GRM1: variants seen among roughly 807,000 people sequenced by gnomAD.
GRM1 encodes glutamate metabotropic receptor 1.
A neutral mutation model predicts 90.9 loss-of-function variants in GRM1; 33 were observed. That is an observed-to-expected ratio of 0.36 (90% CI 0.28 to 0.49). The LOEUF is 0.49. GRM1 is among the 20% of genes least tolerant of loss of function. The probability of loss-of-function intolerance (pLI) is 0.99; values close to 1 mark genes in which losing one functional copy is unlikely to be tolerated. For missense variants in GRM1, 1,190 were observed against 1,534.3 expected, an observed-to-expected ratio of 0.78 and a Z score of 3.75; for synonymous variants, 700 against 613.2, an observed-to-expected ratio of 1.14 and a Z score of -2.09.
intron 1 of GRM1, among the ~76,000 whole-genome samples, chr6:146,081,250 G>T (rs9403767): frequency 0.36 from 54,288 of 152,098 alleles, 10,539 homozygotes; most frequent in Middle Eastern, 0.51. Context: ...AGGGTATACA[G>T]AACTTTGTAT....
chr6:146,377,969 G>A (rs909060072), intron 5 of GRM1, among the ~76,000 whole-genome samples: 1 of 152,176 alleles, frequency 6.6e-6, no homozygotes, highest in Non-Finnish European at 1.5e-5. Context: ...TCCCAGCTGT[G>A]GCTAAAATGG....
At chr6:146,363,828 C>G (rs548082334) in intron 5 of GRM1, among the ~76,000 whole-genome samples, 1 of 152,164 alleles carries the variant, frequency 6.6e-6, no homozygotes, top group Non-Finnish European at 1.5e-5. Context: ...TTGCAGTGAT[C>G]GAAACATTGC....
chr6:146,233,691 AT>A (rs1017245870), intron 2 of GRM1, among the ~76,000 whole-genome samples: 2 of 151,910 alleles, frequency 1.3e-5, no homozygotes, highest in Non-Finnish European at 2.9e-5. Context: ...ATTTTTAAAA[AT>A]GTGTTAGGAT....
chr6:146,331,598 T>A (rs1016285476), intron 3 of GRM1, among the ~76,000 whole-genome samples: 12 of 152,148 alleles, frequency 7.9e-5, no homozygotes, highest in African/African-American at 2.9e-4. Context: ...AGACTCCTGT[T>A]AGGAAACAAA....
rs1157259701 is a variant in GRM1 at position 146,357,647 on chromosome 6, G to T, written c.1555G>T (p.Val519Leu). The change falls in exon 5 of 8, where the codon GTG becomes TTG. Residue 519 changes from valine (V) to leucine (L), a missense_variant. This residue lies in a region of GRM1 where 414 missense variants were observed against 598.4 expected (regional missense o/e 0.69). Transcript: ENST00000282753. Reference sequence around the variant, plus strand: ...CAAAATCCAGATGAACAAGAGTGGAGTGGTGCGGTCTGTGTGCAGTGAGCC... The same window carrying T: ...CAAAATCCAGATGAACAAGAGTGGATTGGTGCGGTCTGTGTGCAGTGAGCC... ...DYKIQMNKSG[V>L]VRSVCSEPCL... is the part of the protein sequence containing the mutation. 3.7e-6 allele frequency: 6 copies of T among 1,614,094 alleles called. No homozygotes were observed. The Admixed American group carries it at 1.0e-4, about 27-fold the overall frequency.
At chr6:146,251,595 C>T (rs893922576) in intron 2 of GRM1, among the ~76,000 whole-genome samples, 7 of 152,230 alleles carry the variant, frequency 4.6e-5, no homozygotes, top group African/African-American at 1.7e-4. Context: ...CTGTGTTTCA[C>T]AGTTGTTCAG....
rs1778265709 is a variant in GRM1, at chr6:146,174,621, A to C, written c.950+15024A>C. 2.6e-5 allele frequency among the ~76,000 whole-genome samples: 4 copies of C among 152,186 alleles called. No individual in the cohort carries two copies. In the South Asian group the frequency reaches 8.3e-4, roughly 32 times the overall value. ...ATATTGTTATACAATCACTTAATTA[A>C]GCTTATAATTTCCGAAAGATAAACA... On this transcript the variant is annotated intron_variant, in intron 2 of 7. Transcript: ENST00000282753.
rs1256950205 is a variant in GRM1 at position 146,436,451 on chromosome 6, T to G, written c.*1655T>G. 1 of 152,182 alleles carries G rather than the reference T, an allele frequency of 6.6e-6. No homozygotes were observed. Among genetic ancestry groups the G allele is most frequent in the Non-Finnish European group, 1.5e-5 (1 of 68,028 alleles). The allele number at this position is 152,182 out of a possible 1,614,324, so 9.4% of individuals were successfully genotyped here. A position where few individuals can be genotyped will look rare whatever the true frequency, so the allele number is the denominator to read the frequency against. ...ATTTAGATTATTCCAGGTTATATCA[T>G]TTTTTTAAAGATTTTCCACAGCTAC... On this transcript the variant is annotated 3_prime_UTR_variant, in exon 8 of 8. Coordinates refer to ENST00000282753, the MANE Select transcript of GRM1 (RefSeq NM_001278064.2).
chr6:146,038,052 G>A (rs7739418), intron 1 of GRM1, among the ~76,000 whole-genome samples: 69,654 of 151,758 alleles, frequency 0.46, 16,394 homozygotes, highest in African/African-American at 0.54. Context: ...TAGAGTGACT[G>A]CTCCACATGA....
chr6:146,053,382 G>A (rs1036004278), intron 1 of GRM1, among the ~76,000 whole-genome samples: 1 of 151,914 alleles, frequency 6.6e-6, no homozygotes, highest in African/African-American at 2.4e-5. Flanking sequence ...TCAATAGAGA[G>A]CTTAAAACTG....
intron 2 of GRM1, among the ~76,000 whole-genome samples, chr6:146,293,659 C>A (rs1212017697): frequency 2.0e-5 from 3 of 151,590 alleles, no homozygotes; most frequent in African/African-American, 7.3e-5. Flanking sequence ...TTTTTTAAAT[C>A]TCTGGTTGAG....
chr6:146,030,249 G>A (rs750665448), intron 1 of GRM1, 32 bp downstream of exon 1: 3 of 1,428,324 alleles, frequency 2.1e-6, no homozygotes, highest in Non-Finnish European at 3.0e-6. Flanking sequence ...GAAGGGTACT[G>A]AGAAAGTCAG....
At chr6:146,193,841 C>T (rs1007908760) in intron 2 of GRM1, among the ~76,000 whole-genome samples, 2 of 152,066 alleles carry the variant, frequency 1.3e-5, no homozygotes, top group Non-Finnish European at 2.9e-5. Flanking sequence ...AGTGAACTTT[C>T]CTGTCCCCTT....
At chr6:146,097,056 G>C (rs1460020381) in intron 1 of GRM1, among the ~76,000 whole-genome samples, 1 of 151,988 alleles carries the variant, frequency 6.6e-6, no homozygotes, top group East Asian at 1.9e-4. Context: ...GTTAAAAAGT[G>C]GTTCTGCTTA....
intron 7 of GRM1, among the ~76,000 whole-genome samples, chr6:146,430,026 C>T (rs1010854080): frequency 2.0e-5 from 3 of 152,170 alleles, no homozygotes; most frequent in African/African-American, 7.2e-5. Flanking sequence ...CAAACACCCA[C>T]CCACTGTTAT....
chr6:146,034,044 G>T (rs1790798620), intron 1 of GRM1, among the ~76,000 whole-genome samples: 1 of 151,968 alleles, frequency 6.6e-6, no homozygotes, highest in Non-Finnish European at 1.5e-5. Context: ...GGTTATTCAG[G>T]CCAACTAATA....
intron 2 of GRM1, among the ~76,000 whole-genome samples, chr6:146,160,189 G>A (rs1043463118): frequency 6.6e-6 from 1 of 152,174 alleles, no homozygotes; most frequent in African/African-American, 2.4e-5. Flanking sequence ...GAAATTTACA[G>A]AGTTGGCTAA....
At chr6:146,360,425 T>G (rs909986177) in intron 5 of GRM1, among the ~76,000 whole-genome samples, 10 of 152,086 alleles carry the variant, frequency 6.6e-5, no homozygotes, top group African/African-American at 2.4e-4. Flanking sequence ...GTGTGTAACC[T>G]TAGGGTCCAC....
intron 2 of GRM1, among the ~76,000 whole-genome samples, chr6:146,279,829 C>T (rs1248352778): frequency 6.6e-6 from 1 of 151,808 alleles, no homozygotes; most frequent in African/African-American, 2.4e-5. Flanking sequence ...TTTTTCATCA[C>T]TTGCCTTCTT....
Sources: allele counts gnomAD v4.1 joint callset (sites outside exome capture counted in the v4.1 genomes callset), GRCh38; gene constraint gnomAD v4.1.1; regional missense constraint gnomAD v4.1.1; transcripts MANE v1.5; gene names NCBI Gene and HGNC (gene_info 2026-07-23, HGNC 2026-07-21).